ADGRG7: variants seen among roughly 807,000 people sequenced by gnomAD.
ADGRG7 encodes G-protein coupled receptor 128.
Under a neutral mutation model 88.6 loss-of-function variants are expected in ADGRG7, and 82 were observed. The ratio of observed to expected loss-of-function variants is 0.93; its 90% CI spans 0.77 to 1.11. ADGRG7 has a LOEUF of 1.11. Ranked by LOEUF, ADGRG7 falls within the 50% of genes most tolerant of loss-of-function variation. The pLI is 0.00. For missense variants in ADGRG7, 945 were observed against 953.4 expected (o/e 0.99, Z 0.12); for synonymous variants, 381 against 345.2 (o/e 1.10, Z -1.15).
chr3:100,633,211 G>A (rs989024420), intron 3 of ADGRG7, 54 bp from the exon 4 acceptor site: 2 of 826,546 alleles, frequency 2.4e-6, no homozygotes, highest in South Asian at 4.4e-5. Context: ...AAAAATAATA[G>A]GCAATAATTT....
At chr3:100,659,665 G>A (rs761100893) in intron 13 of ADGRG7, 23 bp from the exon 14 acceptor site, 1 of 1,610,466 alleles carries the variant, frequency 6.2e-7, no homozygotes, top group Admixed American at 1.7e-5. Flanking sequence ...GTCTGCTGAA[G>A]CAATTTTTTT....
intron 10 of ADGRG7, among the ~76,000 whole-genome samples, chr3:100,647,249 C>T (rs1435198785): frequency 6.6e-6 from 1 of 152,096 alleles, no homozygotes; most frequent in East Asian, 1.9e-4. Flanking sequence ...ATAGAGAGGT[C>T]AGAACTATGT....
intron 9 of ADGRG7, 57 bp downstream of exon 9, chr3:100,646,165 G>A: frequency 1.5e-6 from 2 of 1,371,794 alleles, no homozygotes; most frequent in South Asian, 1.2e-5. Context: ...CTTTCTGATG[G>A]TGGCAGCTGA....
intron 15 of ADGRG7, 42 bp from the exon 16 acceptor site, chr3:100,694,702 T>C (rs1559696222): frequency 6.3e-7 from 1 of 1,585,246 alleles, no homozygotes; most frequent in Non-Finnish European, 8.6e-7. Flanking sequence ...TGATACTGTA[T>C]CTCAGCACTT....
At chr3:100,664,261 A>G (rs535812654) in intron 14 of ADGRG7, among the ~76,000 whole-genome samples, 1 of 152,196 alleles carries the variant, frequency 6.6e-6, no homozygotes, top group Non-Finnish European at 1.5e-5. Flanking sequence ...TAACACATTT[A>G]AAATAACTAG....
At chr3:100,632,403 C>T (rs1707470203) in intron 3 of ADGRG7, among the ~76,000 whole-genome samples, 2 of 152,102 alleles carry the variant, frequency 1.3e-5, no homozygotes, top group South Asian at 4.1e-4. Flanking sequence ...CTTCTAATTA[C>T]TCAATATTAT....
Position 100,668,981 on chromosome 3 carries a change from T to C in ADGRG7, c.2012T>C (p.Val671Ala). ...AAAGTTTCATCCATGAAGAAGATTG[T>C]TAGCACATTATCTGTTGCAGTTGTT... is the stretch of plus-strand genomic sequence containing the variant. ...TKKVSSMKKI[V>A]STLSVAVVFG... Residue 671 changes from valine (V) to alanine (A), a missense_variant, in exon 15 of 16, where the codon GTT (valine) becomes GCT (alanine). Coordinates refer to ENST00000273352, the MANE Select transcript of ADGRG7 (RefSeq NM_032787.3). 2 of 1,602,490 alleles carry C rather than the reference T, an allele frequency of 1.2e-6. No individual in the cohort carries two copies. Among genetic ancestry groups the C allele is most frequent in the Non-Finnish European group, 1.7e-6 (2 of 1,175,888 alleles).
intron 11 of ADGRG7, among the ~76,000 whole-genome samples, chr3:100,652,118 C>G (rs1321096280): frequency 6.6e-6 from 1 of 152,016 alleles, no homozygotes; most frequent in Admixed American, 6.6e-5. Flanking sequence ...AAACTAGACT[C>G]TAATCTTACT....
chr3:100,678,338 T>A (rs1291219040), intron 15 of ADGRG7, among the ~76,000 whole-genome samples: 2 of 152,284 alleles, frequency 1.3e-5, no homozygotes, highest in East Asian at 3.9e-4. Flanking sequence ...ATCTCTGTGT[T>A]ATCTTGAATT....
In ADGRG7 at chr3:100,695,199, C is replaced by G. The variant is rs55722324; in HGVS notation, c.*198C>G. The G allele has an allele frequency of 0.012, 7,045 of 574,786 alleles. 67 individuals carry two copies. Among genetic ancestry groups the G allele is most frequent in the Non-Finnish European group, 0.015 (4,848 of 332,140 alleles). The allele number at this position is 574,786 out of a possible 1,614,324, so 35.6% of individuals were successfully genotyped here. On this transcript the variant is annotated 3_prime_UTR_variant, in exon 16 of 16. Coordinates refer to ENST00000273352, the MANE Select transcript of ADGRG7 (RefSeq NM_032787.3). The stretch of plus-strand genomic sequence containing the variant: ...TTTTCTATTTTTCAATAGATTTGTA[C>G]TTGAATAAGGTGAAGAATTTCACAC...
intron 15 of ADGRG7, among the ~76,000 whole-genome samples, chr3:100,682,512 T>C (rs949754495): frequency 3.3e-5 from 5 of 152,192 alleles, no homozygotes; most frequent in African/African-American, 1.2e-4. Flanking sequence ...CCTCAGGATC[T>C]GCTCCACATC....
chr3:100,668,758 A>G (rs924472437), intron 14 of ADGRG7, among the ~76,000 whole-genome samples, 191 bp from the exon 15 acceptor site: 7 of 152,194 alleles, frequency 4.6e-5, no homozygotes, highest in Admixed American at 1.3e-4. Flanking sequence ...ATTCAAAATA[A>G]AGCTTGCTAA....
At chr3:100,684,606 A>G (rs955013707) in intron 15 of ADGRG7, among the ~76,000 whole-genome samples, 1 of 152,150 alleles carries the variant, frequency 6.6e-6, no homozygotes, top group Non-Finnish European at 1.5e-5. Context: ...ACTTTTGGCT[A>G]TTTAGTTAAA....
chr3:100,619,740 C>T (rs1201375163), intron 1 of ADGRG7, among the ~76,000 whole-genome samples: 1 of 152,094 alleles, frequency 6.6e-6, no homozygotes, highest in East Asian at 1.9e-4. Flanking sequence ...CCACCGATCC[C>T]ACAGAAATAC....
chr3:100,685,964 T>C (rs904804414), intron 15 of ADGRG7, among the ~76,000 whole-genome samples: 1 of 150,614 alleles, frequency 6.6e-6, no homozygotes, highest in African/African-American at 2.4e-5. Flanking sequence ...ACTTCCACAA[T>C]GGTTGAACTA....
intron 14 of ADGRG7, among the ~76,000 whole-genome samples, chr3:100,661,372 T>C (rs969550860): frequency 3.3e-5 from 5 of 152,192 alleles, no homozygotes; most frequent in Admixed American, 2.0e-4. Flanking sequence ...ACCAGATGAG[T>C]AAAAGCCACC....
At chr3:100,654,195 C>G (rs1401295012) in intron 11 of ADGRG7, 1 of 152,206 alleles carries the variant, frequency 6.6e-6, no homozygotes, top group Non-Finnish European at 1.5e-5. Context: ...CACCTTTATA[C>G]TAGGTTGTCT....
intron 15 of ADGRG7, among the ~76,000 whole-genome samples, chr3:100,690,278 A>AT (rs1336514823): frequency 2.0e-5 from 3 of 151,682 alleles, no homozygotes; most frequent in South Asian, 4.2e-4. Flanking sequence ...CATTTGTCTA[A>AT]TTTTTTTTCA....
chr3:100,628,250 C>T (rs1238194129), intron 1 of ADGRG7, among the ~76,000 whole-genome samples: 3 of 152,022 alleles, frequency 2.0e-5, no homozygotes, highest in Admixed American at 2.0e-4. Flanking sequence ...TGTCCAATGC[C>T]TTCAAGTAGT....
Sources: allele counts gnomAD v4.1 joint callset (sites outside exome capture counted in the v4.1 genomes callset), GRCh38; gene constraint gnomAD v4.1.1; transcripts MANE v1.5; gene names NCBI Gene and HGNC (gene_info 2026-07-23, HGNC 2026-07-21).